Variants in FAT3 observed in about 807,000 individuals in gnomAD.
The protein encoded by FAT3 is protocadherin Fat 3.
A neutral mutation model predicts 310.2 loss-of-function variants in FAT3; 95 were observed. The observed-to-expected ratio is 0.31, with a 90% CI of 0.26 to 0.36. FAT3 has a LOEUF of 0.36. Ranked by LOEUF, FAT3 falls within the 10% of genes least tolerant of loss-of-function variation. FAT3 has a pLI of 1.00. For synonymous variants in FAT3, 2,314 were observed against 2,192.9 expected, an observed-to-expected ratio of 1.06 and a Z score of -1.54; for missense variants, 5,408 against 5,715.6, an observed-to-expected ratio of 0.95 and a Z score of 1.74.
intron 3 of FAT3, among the ~76,000 whole-genome samples, chr11:92,658,615 G>T (rs1676532528): frequency 6.6e-6 from 1 of 152,284 alleles, no homozygotes; most frequent in African/African-American, 2.4e-5. Context: ...CTTTTGCCTT[G>T]CTGCCTCCCT....
At chr11:92,730,854 TA>T (rs1565547415) in intron 4 of FAT3, among the ~76,000 whole-genome samples, 1 of 152,210 alleles carries the variant, frequency 6.6e-6, no homozygotes, top group African/African-American at 2.4e-5. Context: ...ATGTAGTTTT[TA>T]AAATTTTTTT....
At chr11:92,236,850 T>A (rs1192776557) in intron 1 of FAT3, among the ~76,000 whole-genome samples, 1 of 152,218 alleles carries the variant, frequency 6.6e-6, no homozygotes, top group East Asian at 1.9e-4. Context: ...TGGAGATCCT[T>A]TTTTCATGCT....
intron 2 of FAT3, among the ~76,000 whole-genome samples, chr11:92,382,915 G>T (rs1430702221): frequency 6.6e-6 from 1 of 152,176 alleles, no homozygotes; most frequent in African/African-American, 2.4e-5. Flanking sequence ...ATGGTGGTTT[G>T]CTGCACAGAT....
intron 4 of FAT3, among the ~76,000 whole-genome samples, chr11:92,728,495 A>G (rs763707571): frequency 3.9e-5 from 6 of 152,218 alleles, no homozygotes; most frequent in Non-Finnish European, 7.3e-5. Context: ...TAAAAGACAC[A>G]GTCCAGGTTT....
intron 1 of FAT3, among the ~76,000 whole-genome samples, chr11:92,296,361 T>C (rs770597437): frequency 5.8e-4 from 89 of 152,206 alleles, no homozygotes; most frequent in Middle Eastern, 3.4e-3. Flanking sequence ...AGTGGTGGAA[T>C]AATACATGCA....
chr11:92,782,225 C>T (rs1470499362), intron 7 of FAT3, among the ~76,000 whole-genome samples: 1 of 152,050 alleles, frequency 6.6e-6, no homozygotes, highest in East Asian at 1.9e-4. Context: ...ACTCAAGTGG[C>T]TGAGGCAGAA....
chr11:92,585,947 G>T (rs1336712125), intron 3 of FAT3, among the ~76,000 whole-genome samples: 1 of 151,648 alleles, frequency 6.6e-6, no homozygotes, highest in Non-Finnish European at 1.5e-5. Context: ...AAAATAAGCA[G>T]TCTCATGTGA....
intron 3 of FAT3, among the ~76,000 whole-genome samples, chr11:92,558,792 C>A (rs946754478): frequency 2.0e-5 from 3 of 152,092 alleles, no homozygotes; most frequent in Non-Finnish European, 2.9e-5. Flanking sequence ...CTTTTGGAAC[C>A]CTTCCAGGGG....
At chr11:92,225,310 G>T (rs1458209) in intron 1 of FAT3, among the ~76,000 whole-genome samples, 136 bp downstream of exon 1, 54,027 of 152,020 alleles carry the variant, frequency 0.36, 10,012 homozygotes, top group Admixed American at 0.48. Context: ...GACGAAGCGC[G>T]TGGGGGAAAC....
At chr11:92,400,681 G>T (rs1469603466) in intron 2 of FAT3, 1 of 151,594 alleles carries the variant, frequency 6.6e-6, no homozygotes, top group Non-Finnish European at 1.5e-5. Context: ...TTAAATACTA[G>T]ATAAGTAACA....
intron 7 of FAT3, among the ~76,000 whole-genome samples, chr11:92,775,549 T>G (rs1205925839): frequency 3.3e-5 from 5 of 152,160 alleles, no homozygotes; most frequent in Admixed American, 3.3e-4. Context: ...CCTTTCCCAG[T>G]AACTAGGATG....
intron 2 of FAT3, among the ~76,000 whole-genome samples, chr11:92,516,312 T>G (rs1263440925): frequency 6.6e-6 from 1 of 152,138 alleles, no homozygotes; most frequent in Non-Finnish European, 1.5e-5. Context: ...GCTTCATCCC[T>G]GGGATGCAAG....
chr11:92,678,472 A>T (rs1943361948), intron 3 of FAT3, among the ~76,000 whole-genome samples: 3 of 152,246 alleles, frequency 2.0e-5, no homozygotes, highest in South Asian at 4.2e-4. Flanking sequence ...CCATGCATGG[A>T]GGTGGAGCCC....
chr11:92,227,752 C>T (rs965162356), intron 1 of FAT3, among the ~76,000 whole-genome samples: 6 of 140,548 alleles, frequency 4.3e-5, no homozygotes, highest in Non-Finnish European at 6.1e-5. Context: ...CTTTCTTCTT[C>T]TTTTTTTTTT....
chr11:92,635,505 C>T (rs184333508), intron 3 of FAT3, among the ~76,000 whole-genome samples: 111 of 152,230 alleles, frequency 7.3e-4, no homozygotes, highest in East Asian at 3.9e-3. Flanking sequence ...TGAGTTCTTA[C>T]GCATTATGTT....
intron 3 of FAT3, among the ~76,000 whole-genome samples, chr11:92,527,019 A>T (rs1333239004): frequency 6.6e-6 from 1 of 152,240 alleles, no homozygotes; most frequent in Non-Finnish European, 1.5e-5. Context: ...CCAAACTTAT[A>T]TGAACTTAAC....
intron 1 of FAT3, among the ~76,000 whole-genome samples, chr11:92,299,392 G>A (rs1263361390): frequency 6.6e-6 from 1 of 152,106 alleles, no homozygotes; most frequent in African/African-American, 2.4e-5. Flanking sequence ...TAAGATGAAA[G>A]AGTTAGTCTA....
intron 3 of FAT3, among the ~76,000 whole-genome samples, chr11:92,623,495 A>G (rs555286601): frequency 6.6e-6 from 1 of 152,342 alleles, no homozygotes; most frequent in South Asian, 2.1e-4. Flanking sequence ...TTTGTTATAT[A>G]TACTGAAAAG....
At chr11:92,467,797 A>G (rs970594494) in intron 2 of FAT3, among the ~76,000 whole-genome samples, 1 of 152,154 alleles carries the variant, frequency 6.6e-6, no homozygotes, top group African/African-American at 2.4e-5. Context: ...CTGAAGTGCC[A>G]TTGTTTCTCC....
Sources: allele counts gnomAD v4.1 joint callset (sites outside exome capture counted in the v4.1 genomes callset), GRCh38; gene constraint gnomAD v4.1.1; transcripts MANE v1.5; gene names NCBI Gene and HGNC (gene_info 2026-07-23, HGNC 2026-07-21).